PTPRK: variants seen among roughly 807,000 people sequenced by gnomAD.
PTPRK encodes the protein protein tyrosine phosphatase receptor type K, also known as receptor-type tyrosine-protein phosphatase kappa.
PTPRK carries 75 observed loss-of-function variants against 178.0 expected under a neutral mutation model. That is an observed-to-expected ratio of 0.42 (90% CI 0.35 to 0.51). PTPRK has a LOEUF of 0.51. Ranked by LOEUF, PTPRK falls within the 20% of genes least tolerant of loss-of-function variation. The probability of loss-of-function intolerance (pLI) is 0.02; values close to 1 mark genes in which losing one functional copy is unlikely to be tolerated. For missense variants in PTPRK, 1,441 were observed against 1,797.8 expected (o/e 0.80, Z 3.59); for synonymous variants, 637 against 620.6 (o/e 1.03, Z -0.39).
At chr6:128,442,815 T>C (rs1451066125) in intron 1 of PTPRK, among the ~76,000 whole-genome samples, 9 of 152,212 alleles carry the variant, frequency 5.9e-5, no homozygotes, top group Non-Finnish European at 1.5e-5. Context: ...CATTCACCGA[T>C]GGACCCCTGC....
chr6:127,981,721 T>C (rs1216656981), intron 24 of PTPRK, among the ~76,000 whole-genome samples: 1 of 152,232 alleles, frequency 6.6e-6, no homozygotes, highest in Admixed American at 6.5e-5. Context: ...ATTTGGTCTC[T>C]GCCCTTGATT....
At chr6:128,463,100 A>G (rs890291403) in intron 1 of PTPRK, among the ~76,000 whole-genome samples, 7 of 152,224 alleles carry the variant, frequency 4.6e-5, no homozygotes, top group African/African-American at 1.7e-4. Flanking sequence ...AAGGAACAAT[A>G]AATGCCTGTC....
Position 127,998,754 on chromosome 6 carries a change from G to A in PTPRK, c.2645C>T (p.Thr882Ile). The change falls in exon 16 of 30, where the codon ACA becomes ATA. Residue 882 changes from threonine to isoleucine, a missense_variant. Physicochemically the swap from Thr to Ile is moderately conservative, Grantham distance 89 (BLOSUM62 -1). This residue lies in a region of PTPRK where 945 missense variants were observed against 1,080.6 expected (regional missense o/e 0.87). Transcript: ENST00000368226. The stretch of plus-strand genomic sequence containing the variant: ...CTCTTTGAACCCATAGCTGTCTGAT[G>A]TCTTCATGAGATTAATGTGCTGCAG... The part of the protein sequence containing the change: ...DLLQHINLMK[T>I]SDSYGFKEEY... 1 of 1,604,028 alleles carries A rather than the reference G, an allele frequency of 6.2e-7. No homozygotes were observed. Among genetic ancestry groups the A allele is most frequent in the South Asian group, 1.1e-5 (1 of 89,970 alleles).
chr6:128,306,092 G>T (rs1433316835), intron 3 of PTPRK, among the ~76,000 whole-genome samples: 1 of 152,198 alleles, frequency 6.6e-6, no homozygotes, highest in Non-Finnish European at 1.5e-5. Context: ...CCATCCCCAT[G>T]ATTCAGTTAT....
chr6:128,049,754 A>C (rs1778677943), intron 13 of PTPRK, among the ~76,000 whole-genome samples: 1 of 152,238 alleles, frequency 6.6e-6, no homozygotes, highest in African/African-American at 2.4e-5. Flanking sequence ...TCTTGATGGC[A>C]TCATGGCACA....
chr6:128,437,916 C>T lies in PTPRK; in HGVS notation c.101-40228G>A, dbSNP rs77398099. 6.4e-3 allele frequency among the ~76,000 whole-genome samples: 982 copies of T among 152,312 alleles called. 11 individuals carry two copies. The highest frequency in any genetic ancestry group is 0.022 in the African/African-American group (917 of 41,566). On this transcript the variant is annotated intron_variant, in intron 1 of 29. Transcript: ENST00000368226. ...AGGACACAGTCATCCCTCGCATAGG[C>T]GGGAGAGATCAGTTTCAAGATCCCA... is the stretch of plus-strand genomic sequence containing the variant.
At chr6:128,273,530 A>G (rs1186324305) in intron 3 of PTPRK, among the ~76,000 whole-genome samples, 1 of 152,102 alleles carries the variant, frequency 6.6e-6, no homozygotes, top group Non-Finnish European at 1.5e-5. Flanking sequence ...TAAACAACCT[A>G]CTGAGATCCA....
Position 128,227,928 on chromosome 6 carries a change from T to C in PTPRK, c.694-8832A>G, listed in dbSNP as rs777994894. Reference sequence around the variant, plus strand: ...GTGGGAGACAAACAATGAGAACACATGGACATAGGGAGGGGAACATCACAC... The same window carrying C: ...GTGGGAGACAAACAATGAGAACACACGGACATAGGGAGGGGAACATCACAC... On this transcript the variant is annotated intron_variant, in intron 5 of 29. Coordinates refer to ENST00000368226, the MANE Select transcript of PTPRK (RefSeq NM_002844.4). 1.2e-4 allele frequency among the ~76,000 whole-genome samples: 18 copies of C among 151,374 alleles called. 1 individual carries two copies. Among genetic ancestry groups the C allele is most frequent in the Non-Finnish European group, 2.4e-4 (16 of 67,870 alleles).
intron 5 of PTPRK, among the ~76,000 whole-genome samples, chr6:128,219,420 A>G (rs139086615): frequency 1.7e-4 from 26 of 152,304 alleles, no homozygotes; most frequent in African/African-American, 6.0e-4. Flanking sequence ...GATCCCTTGC[A>G]TTCACAGTTC....
chr6:128,020,205 T>C (rs1442655950), intron 13 of PTPRK, among the ~76,000 whole-genome samples: 2 of 152,160 alleles, frequency 1.3e-5, no homozygotes, highest in Non-Finnish European at 1.5e-5. Context: ...TACTGATTAT[T>C]ACATATGTGA....
chr6:127,970,736 A>T (rs964853423), intron 29 of PTPRK, among the ~76,000 whole-genome samples: 9 of 152,224 alleles, frequency 5.9e-5, no homozygotes, highest in African/African-American at 2.2e-4. Context: ...TCTTAGAATA[A>T]ATATAACTAT....
intron 6 of PTPRK, among the ~76,000 whole-genome samples, chr6:128,185,500 C>G (rs1300430100): frequency 6.6e-6 from 1 of 151,964 alleles, no homozygotes; most frequent in Non-Finnish European, 1.5e-5. Flanking sequence ...AAATGAGACA[C>G]CGAACTTTAT....
At position 128,133,167 on chromosome 6, in the gene PTPRK, A is replaced by G. The variant is rs577936714; in HGVS notation, c.1163-43175T>C. Among the ~76,000 whole-genome samples, 6 of 152,340 alleles carry G rather than the reference A, an allele frequency of 3.9e-5. No homozygotes were observed. In the South Asian group the frequency reaches 1.0e-3, roughly 26 times the overall value. On this transcript the variant is annotated intron_variant, in intron 7 of 29. Coordinates refer to ENST00000368226, the MANE Select transcript of PTPRK (RefSeq NM_002844.4). The stretch of plus-strand genomic sequence containing the variant: ...CAAACAGAAATTTGACATTTAATTT[A>G]TAGTTTGATTTTTTCTTGTGTGATA...
At chr6:128,246,594 T>C (rs1002051859) in intron 3 of PTPRK, among the ~76,000 whole-genome samples, 1 of 152,224 alleles carries the variant, frequency 6.6e-6, no homozygotes. Context: ...GCCCTCACCT[T>C]GTAGGGCTCT....
intron 13 of PTPRK, among the ~76,000 whole-genome samples, chr6:128,011,241 T>A (rs898423509): frequency 6.6e-6 from 1 of 151,116 alleles, no homozygotes; most frequent in Non-Finnish European, 1.5e-5. Context: ...ATGCAACAAA[T>A]CATCATTATT....
intron 1 of PTPRK, among the ~76,000 whole-genome samples, chr6:128,398,313 A>T (rs1379935337): frequency 6.6e-6 from 1 of 152,068 alleles, no homozygotes; most frequent in African/African-American, 2.4e-5. Context: ...TTCCATCACC[A>T]CTCAGAAAAC....
intron 13 of PTPRK, among the ~76,000 whole-genome samples, chr6:128,060,057 T>C (rs950899035): frequency 2.6e-5 from 4 of 152,076 alleles, no homozygotes; most frequent in Non-Finnish European, 5.9e-5. Context: ...ATACTAGCAA[T>C]GAGAGCAGAG....
At chr6:128,037,406 T>C (rs1052385134) in intron 13 of PTPRK, among the ~76,000 whole-genome samples, 4 of 147,022 alleles carry the variant, frequency 2.7e-5, no homozygotes. Flanking sequence ...AAAAGTATGA[T>C]GCAAATATGG....
chr6:128,127,464 T>C (rs1793563284), intron 7 of PTPRK, among the ~76,000 whole-genome samples: 1 of 152,226 alleles, frequency 6.6e-6, no homozygotes, highest in South Asian at 2.1e-4. Flanking sequence ...TTTTATTTCT[T>C]TCATCAGTGT....
Sources: gnomAD v4.1 joint callset for allele counts (sites outside exome capture counted in the v4.1 genomes callset) on GRCh38, gnomAD v4.1.1 for gene constraint, gnomAD v4.1.1 regional missense constraint, MANE v1.5 for transcripts, NCBI Gene and HGNC (gene_info 2026-07-23, HGNC 2026-07-21) for gene names.